Variants in CLSTN1 observed in about 807,000 individuals in gnomAD.
CLSTN1 encodes calsyntenin-1.
In CLSTN1, 28 loss-of-function variants were observed where a neutral mutation model predicts 108.3. The ratio of observed to expected loss-of-function variants is 0.26; its 90% CI spans 0.19 to 0.35. The LOEUF (loss-of-function observed/expected upper bound fraction) is 0.35. Among genes scored for constraint, CLSTN1 ranks in the 10% least tolerant of loss-of-function variants. CLSTN1 has a pLI of 1.00. For synonymous variants in CLSTN1, 524 were observed against 534.9 expected (o/e 0.98, Z 0.28); for missense variants, 1,157 against 1,302.6 (o/e 0.89, Z 1.72).
At chr1:9,803,732 G>A (rs937841226) in intron 1 of CLSTN1, among the ~76,000 whole-genome samples, 4 of 152,004 alleles carry the variant, frequency 2.6e-5, no homozygotes, top group Admixed American at 1.3e-4. Context: ...GAACCCAGGA[G>A]GTGAAGGCTG....
In CLSTN1 at chr1:9,779,036, A is replaced by AAAAG. The variant is rs1553180251; in HGVS notation, c.92-5643_92-5642insCTTT. Among the ~76,000 whole-genome samples, 9 of 151,338 alleles carry AAAAG rather than the reference A, an allele frequency of 5.9e-5. No individual in the cohort carries two copies. In the East Asian group the frequency reaches 1.4e-3, roughly 23 times the overall value. ...GAGACTTCGTCTCAAAAAAAAAAAA[A>AAAAG]AAGAAGAAGAAGAAGAAGAAGGCTG... is the stretch of plus-strand genomic sequence containing the variant. On this transcript the variant is annotated intron_variant, in intron 1 of 18. Transcript: ENST00000377298.
intron 1 of CLSTN1, among the ~76,000 whole-genome samples, chr1:9,787,821 C>T (rs1471606920): frequency 6.6e-6 from 1 of 151,350 alleles, no homozygotes; most frequent in African/African-American, 2.4e-5. Context: ...GTCATCCAAC[C>T]GTCACCACCA....
rs569432786 is a variant in CLSTN1 at position 9,774,528 on chromosome 1, C to T, written c.92-1134G>A. On this transcript the variant is annotated intron_variant, in intron 1 of 18. Transcript: ENST00000377298. The stretch of plus-strand genomic sequence containing the variant: ...TTGCAGTGAGCCAAGATCACGCCAC[C>T]GCACTCCAGACTGGGCGACAGAGTG... Among the ~76,000 whole-genome samples, 58 of 151,586 alleles carry T rather than the reference C, an allele frequency of 3.8e-4. No individual in the cohort carries two copies. The Middle Eastern group carries it at 0.01, about 27-fold the overall frequency.
chr1:9,783,410 C>T (rs896053016), intron 1 of CLSTN1, among the ~76,000 whole-genome samples: 8 of 152,162 alleles, frequency 5.3e-5, no homozygotes, highest in Admixed American at 5.2e-4. Flanking sequence ...GTGATCCCGT[C>T]TCTACAAAAA....
At chr1:9,786,076 C>T (rs1184872930) in intron 1 of CLSTN1, among the ~76,000 whole-genome samples, 2 of 152,182 alleles carry the variant, frequency 1.3e-5, no homozygotes, top group East Asian at 1.9e-4. Context: ...GACCTCCCAG[C>T]TACTCGGGAG....
chr1:9,802,659 C>A (rs1020404966), intron 1 of CLSTN1, among the ~76,000 whole-genome samples: 1 of 152,124 alleles, frequency 6.6e-6, no homozygotes, highest in Non-Finnish European at 1.5e-5. Flanking sequence ...TCCCACTGTT[C>A]ATTCTACTTT....
At position 9,749,848 on chromosome 1, in the gene CLSTN1, C is replaced by T; in HGVS notation, c.715G>A (p.Ala239Thr). Residue 239 changes from alanine (A) to threonine (T), a missense_variant, in exon 6 of 19, where the codon GCC (alanine) becomes ACC (threonine). Coordinates refer to ENST00000377298, the MANE Select transcript of CLSTN1 (RefSeq NM_001009566.3). ...GCTCTTTTCTTCCCACAGTCATAGG[C>T]AGTGACGGTCAGCTTATATTGATGT... ...KEHQYKLTVT[A>T]YDCGKKRATE... The T allele has an allele frequency of 1.9e-6, 3 of 1,613,946 alleles. No homozygotes were observed. The highest frequency in any genetic ancestry group is 2.5e-6 in the Non-Finnish European group (3 of 1,179,838).
intron 1 of CLSTN1, among the ~76,000 whole-genome samples, chr1:9,822,422 C>A (rs557180606): frequency 1.3e-5 from 2 of 152,190 alleles, no homozygotes; most frequent in Non-Finnish European, 2.9e-5. Flanking sequence ...GAACACCATA[C>A]TTCTCTCCTT....
In CLSTN1 at chr1:9,730,317, G is replaced by A. The variant is rs1265713124; in HGVS notation, c.*191C>T. 2 of 639,998 alleles carry A rather than the reference G, an allele frequency of 3.1e-6. No homozygotes were observed. Among genetic ancestry groups the A allele is most frequent in the Non-Finnish European group, 5.6e-6 (2 of 358,686 alleles). 39.6% of individuals were successfully genotyped at this position (639,998 alleles called of 1,614,324 possible). Reference sequence around the variant, plus strand: ...CGTGTCAGCTCCTCGTGGGACTGAAGAGCGCGACCAGGCAGAGGGTGGGCG... The same window carrying A: ...CGTGTCAGCTCCTCGTGGGACTGAAAAGCGCGACCAGGCAGAGGGTGGGCG... On this transcript the variant is annotated 3_prime_UTR_variant, in exon 19 of 19. Coordinates refer to ENST00000377298, the MANE Select transcript of CLSTN1 (RefSeq NM_001009566.3). This position sits in a 1 kb window ranked among gnomAD's most constrained non-coding sequence, Gnocchi z 5.6.
intron 17 of CLSTN1, 123 bp downstream of exon 17, chr1:9,731,638 G>T: frequency 9.7e-7 from 1 of 1,028,954 alleles, no homozygotes; most frequent in South Asian, 1.4e-5. Flanking sequence ...GTGTGTGATG[G>T]GGAATAATTG....
At position 9,734,491 on chromosome 1, in the gene CLSTN1, C is replaced by T. The variant is rs977266199; in HGVS notation, c.2111-349G>A. Among the ~76,000 whole-genome samples the T allele has an allele frequency of 2.0e-4, 30 of 151,274 alleles. No individual in the cohort carries two copies. Among genetic ancestry groups the T allele is most frequent in the African/African-American group, 7.3e-4 (30 of 41,156 alleles). ...TCGGGAGGCTGAGGCAGGAGAATCG[C>T]TTGAACTCAGGAGGTGGATGCTGCA... On this transcript the variant is annotated intron_variant, in intron 14 of 18. Transcript: ENST00000377298. The surrounding 1 kb of genome is among the most constrained non-coding windows in gnomAD (Gnocchi z 4.8).
At chr1:9,767,838 C>T (rs2101144084) in intron 2 of CLSTN1, among the ~76,000 whole-genome samples, 1 of 152,218 alleles carries the variant, frequency 6.6e-6, no homozygotes, top group Admixed American at 6.5e-5. Flanking sequence ...ATATTTCTCA[C>T]AAAATGTTAA....
chr1:9,782,932 G>A (rs947418356), intron 1 of CLSTN1, among the ~76,000 whole-genome samples: 2 of 152,340 alleles, frequency 1.3e-5, no homozygotes, highest in African/African-American at 4.8e-5. Context: ...GCTGGAACCT[G>A]GGAGGCGGAG....
chr1:9,781,896 G>A (rs1653268875), intron 1 of CLSTN1, among the ~76,000 whole-genome samples: 1 of 152,132 alleles, frequency 6.6e-6, no homozygotes, highest in Non-Finnish European at 1.5e-5. Context: ...GTAGTAATGT[G>A]TAGTAGTTGT....
chr1:9,778,364 A>G (rs1355140482), intron 1 of CLSTN1, among the ~76,000 whole-genome samples: 2 of 152,180 alleles, frequency 1.3e-5, no homozygotes, highest in South Asian at 2.1e-4. Flanking sequence ...AAATGAGTAT[A>G]TAAGAAACCT....
intron 15 of CLSTN1, 114 bp from the exon 16 acceptor site, chr1:9,733,660 G>A: frequency 1.6e-6 from 2 of 1,273,280 alleles, no homozygotes; most frequent in Middle Eastern, 5.4e-4. Context: ...GCTAGGCCAA[G>A]GGGTCACACA....
chr1:9,791,327 C>T (rs1251176679), intron 1 of CLSTN1, among the ~76,000 whole-genome samples: 1 of 151,348 alleles, frequency 6.6e-6, no homozygotes, highest in East Asian at 2.0e-4. Context: ...GCTGCAGCCT[C>T]CAACTCCTGG....
At chr1:9,785,652 G>A (rs1179968560) in intron 1 of CLSTN1, among the ~76,000 whole-genome samples, 2 of 151,954 alleles carry the variant, frequency 1.3e-5, no homozygotes, top group Non-Finnish European at 2.9e-5. Context: ...GATCCCCTGG[G>A]GGCAATCCTC....
rs549930441 is a variant in CLSTN1, at chr1:9,780,794, A to C, written c.92-7400T>G. 11 of 181,410 alleles carry C rather than the reference A, an allele frequency of 6.1e-5. No individual in the cohort carries two copies. In the East Asian group the frequency reaches 1.6e-3, roughly 27 times the overall value. 11.2% of individuals were successfully genotyped at this position (181,410 alleles called of 1,614,324 possible). On this transcript the variant is annotated intron_variant, in intron 1 of 18. Transcript: ENST00000377298. ...TACCTGACTCATTTCATCACATTCT[A>C]GGAGGTTTTAAAAAACAAACTAAAC...
Sources: gnomAD v4.1 joint callset for allele counts (sites outside exome capture counted in the v4.1 genomes callset) on GRCh38, gnomAD v4.1.1 for gene constraint, Gnocchi (gnomAD v3.1) non-coding constraint, MANE v1.5 for transcripts, NCBI Gene and HGNC (gene_info 2026-07-23, HGNC 2026-07-21) for gene names.